TMCC1: variants seen among roughly 807,000 people sequenced by gnomAD.
TMCC1 encodes the protein transmembrane and coiled-coil domains protein 1.
In TMCC1, 15 loss-of-function variants were observed where a neutral mutation model predicts 52.4. The ratio of observed to expected loss-of-function variants is 0.29; its 90% CI spans 0.19 to 0.44. The LOEUF (loss-of-function observed/expected upper bound fraction) is 0.44, where lower values mean the gene tolerates loss of function less well. Ranked by LOEUF, TMCC1 falls within the 20% of genes least tolerant of loss-of-function variation. The pLI, the probability that TMCC1 is intolerant of heterozygous loss-of-function variation, is 1.00. For synonymous variants in TMCC1, 279 were observed against 301.9 expected (o/e 0.92, Z 0.79); for missense variants, 503 against 806.0 (o/e 0.62, Z 4.55).
At chr3:129,752,968 G>C (rs1162115896) in intron 4 of TMCC1, among the ~76,000 whole-genome samples, 2 of 152,048 alleles carry the variant, frequency 1.3e-5, no homozygotes, top group East Asian at 1.9e-4. Flanking sequence ...AAGAGAGAAG[G>C]GGGAGGTGCC....
At chr3:129,755,624 G>A (rs937297080) in intron 4 of TMCC1, among the ~76,000 whole-genome samples, 5 of 152,098 alleles carry the variant, frequency 3.3e-5, no homozygotes, top group East Asian at 1.9e-4. Context: ...TACAGATGGC[G>A]AACAAACACG....
intron 4 of TMCC1, among the ~76,000 whole-genome samples, chr3:129,743,861 ATAACT>A (rs2051678373): frequency 6.6e-6 from 1 of 152,082 alleles, no homozygotes; most frequent in South Asian, 2.1e-4. Flanking sequence ...GTTTTTAAAA[ATAACT>A]TCACTGTTTT....
At chr3:129,804,136 T>C (rs567932442) in intron 4 of TMCC1, among the ~76,000 whole-genome samples, 9 of 152,330 alleles carry the variant, frequency 5.9e-5, no homozygotes, top group African/African-American at 9.6e-5. Context: ...ACCACATGAA[T>C]GGTTAGCAAA....
In TMCC1 at chr3:129,820,530, T is replaced by G. The variant is rs778944016; in HGVS notation, c.576+7273A>C. 2.0e-5 allele frequency among the ~76,000 whole-genome samples: 3 copies of G among 152,022 alleles called. 1 individual carries two copies. The highest frequency in any genetic ancestry group is 2.0e-4 in the Admixed American group (3 of 15,244). ...ACAGGGTACCAGATTCAGATTAATA[T>G]ATTAGATTTGTCTAACAGAGGCACA... On this transcript the variant is annotated intron_variant, in intron 4 of 6. Coordinates refer to ENST00000393238, the MANE Select transcript of TMCC1 (RefSeq NM_001017395.5).
chr3:129,811,392 G>T (rs1284032584), intron 4 of TMCC1, among the ~76,000 whole-genome samples: 1 of 152,010 alleles, frequency 6.6e-6, no homozygotes, highest in Non-Finnish European at 1.5e-5. Context: ...AGCCTCCCAA[G>T]TAGCTTGGAC....
intron 4 of TMCC1, among the ~76,000 whole-genome samples, chr3:129,791,830 CT>C (rs1194380374): frequency 6.6e-6 from 1 of 152,034 alleles, no homozygotes; most frequent in African/African-American, 2.4e-5. Context: ...AATTTACTTC[CT>C]TTTTTAACTC....
At chr3:129,765,960 G>T (rs1479830595) in intron 4 of TMCC1, among the ~76,000 whole-genome samples, 1 of 152,064 alleles carries the variant, frequency 6.6e-6, no homozygotes, top group Non-Finnish European at 1.5e-5. Flanking sequence ...AATATTTTGG[G>T]AGAAATTTTC....
intron 4 of TMCC1, among the ~76,000 whole-genome samples, chr3:129,679,412 T>A (rs893541815): frequency 1.3e-5 from 2 of 152,160 alleles, no homozygotes; most frequent in African/African-American, 4.8e-5. Flanking sequence ...TTTAAGTGAT[T>A]CTTCTGCCTC....
At chr3:129,657,078 CT>C (rs1440517536) in intron 5 of TMCC1, among the ~76,000 whole-genome samples, 1 of 152,080 alleles carries the variant, frequency 6.6e-6, no homozygotes, top group Non-Finnish European at 1.5e-5. Context: ...GTGCTGGTCT[CT>C]TGGGATTTAA....
intron 4 of TMCC1, among the ~76,000 whole-genome samples, chr3:129,806,384 C>T (rs2717255): frequency 0.97 from 147,451 of 152,324 alleles, 71,533 homozygotes; most frequent in Non-Finnish European, 1. Context: ...AGTCCTCTTC[C>T]ACCTCGTCTT....
chr3:129,796,121 T>G (rs945236381), intron 4 of TMCC1, among the ~76,000 whole-genome samples: 3 of 152,214 alleles, frequency 2.0e-5, no homozygotes, highest in African/African-American at 7.2e-5. Context: ...CATAAGATTA[T>G]AATACTGTAT....
intron 4 of TMCC1, chr3:129,818,879 T>C (rs2058265075): frequency 2.6e-5 from 4 of 152,490 alleles, no homozygotes. Flanking sequence ...TGGGAAATGA[T>C]GTAGGTGACA....
At chr3:129,791,004 A>C (rs2056414784) in intron 4 of TMCC1, among the ~76,000 whole-genome samples, 1 of 152,180 alleles carries the variant, frequency 6.6e-6, no homozygotes, top group Non-Finnish European at 1.5e-5. Flanking sequence ...CCCAAGTTAC[A>C]CAAGTTTATT....
chr3:129,797,125 AC>A (rs1379286435), intron 4 of TMCC1, among the ~76,000 whole-genome samples: 1 of 152,144 alleles, frequency 6.6e-6, no homozygotes, highest in Non-Finnish European at 1.5e-5. Context: ...GGAGATCGAG[AC>A]CATCCTGGCT....
intron 4 of TMCC1, among the ~76,000 whole-genome samples, chr3:129,679,485 T>C (rs2088777565): frequency 1.3e-5 from 2 of 152,100 alleles, no homozygotes; most frequent in African/African-American, 2.4e-5. Flanking sequence ...TTTCTATTTT[T>C]AGTAGAGATG....
At chr3:129,777,279 C>G (rs115144031) in intron 4 of TMCC1, among the ~76,000 whole-genome samples, 2 of 152,072 alleles carry the variant, frequency 1.3e-5, no homozygotes, top group Non-Finnish European at 2.9e-5. Context: ...AGAAAATCTT[C>G]CTTTGACTGA....
intron 4 of TMCC1, among the ~76,000 whole-genome samples, chr3:129,718,604 G>C (rs1003589123): frequency 3.3e-5 from 5 of 152,202 alleles, no homozygotes; most frequent in Non-Finnish European, 7.3e-5. Context: ...TTGATTGCTT[G>C]ATATGTACCA....
At chr3:129,839,316 G>A (rs1461009593) in intron 2 of TMCC1, among the ~76,000 whole-genome samples, 1 of 152,118 alleles carries the variant, frequency 6.6e-6, no homozygotes, top group East Asian at 1.9e-4. Flanking sequence ...TTAACTAAAT[G>A]CGAAGTGGCA....
intron 6 of TMCC1, 116 bp downstream of exon 6, chr3:129,654,852 G>A: frequency 2.9e-6 from 4 of 1,389,712 alleles, no homozygotes; most frequent in Non-Finnish European, 2.9e-6. Context: ...CTCTTACACA[G>A]TTGGTATAAG....
Sources: gnomAD v4.1 joint callset for allele counts (sites outside exome capture counted in the v4.1 genomes callset) on GRCh38, gnomAD v4.1.1 for gene constraint, MANE v1.5 for transcripts, NCBI Gene and HGNC (gene_info 2026-07-23, HGNC 2026-07-21) for gene names.